Variants in LRCH1 observed in about 807,000 individuals in gnomAD.
LRCH1 encodes leucine rich repeats and calponin homology domain containing 1.
A neutral mutation model predicts 94.9 loss-of-function variants in LRCH1; 23 were observed. The ratio of observed to expected loss-of-function variants is 0.24; its 90% confidence interval spans 0.17 to 0.34. LRCH1 has a LOEUF of 0.34. LRCH1 is among the 10% of genes least tolerant of loss of function. The pLI, the probability that LRCH1 is intolerant of heterozygous loss-of-function variation, is 1.00. For missense variants in LRCH1, 790 were observed against 945.9 expected (o/e 0.84, Z 2.16); for synonymous variants, 364 against 354.9 (o/e 1.03, Z -0.29).
chr13:46,575,428 C>T (rs1398558180), intron 1 of LRCH1, among the ~76,000 whole-genome samples: 1 of 152,098 alleles, frequency 6.6e-6, no homozygotes, highest in African/African-American at 2.4e-5. Flanking sequence ...AGGGCTTTCT[C>T]ATTCATGTGC....
chr13:46,564,961 A>G (rs2050166697), intron 1 of LRCH1, among the ~76,000 whole-genome samples: 1 of 152,202 alleles, frequency 6.6e-6, no homozygotes, highest in African/African-American at 2.4e-5. Flanking sequence ...AGATAATTGG[A>G]AGCTGTCAGC....
rs533679308 is a variant in LRCH1 at position 46,686,173 on chromosome 13, G to C, written c.822+132G>C. On this transcript the variant is annotated intron_variant, in intron 5 of 19. Transcript: ENST00000389797. The stretch of plus-strand genomic sequence containing the variant: ...ACTGGCAAGCGGCAGATTAATTGGA[G>C]AAAAGGCATCAAAATTTATTAACAT... 22 of 898,452 alleles carry C rather than the reference G, an allele frequency of 2.4e-5. No individual in the cohort carries two copies. In the South Asian group the frequency reaches 7.1e-4, roughly 29 times the overall value. The allele number at this position is 898,452 out of a possible 1,614,324, so 55.7% of individuals were successfully genotyped here.
intron 2 of LRCH1, among the ~76,000 whole-genome samples, chr13:46,651,873 GT>G (rs1170289609): frequency 8.4e-6 from 1 of 118,674 alleles, no homozygotes; most frequent in Non-Finnish European, 1.8e-5. Context: ...CTGATGTTTT[GT>G]TTTTTTTGTT....
intron 15 of LRCH1, 101 bp downstream of exon 15, chr13:46,712,698 C>T: frequency 9.2e-7 from 1 of 1,082,344 alleles, no homozygotes; most frequent in Non-Finnish European, 1.4e-6. Context: ...CTTGTCAGTT[C>T]TGCTGAGCCG....
chr13:46,622,390 T>C (rs1054696900), intron 1 of LRCH1, among the ~76,000 whole-genome samples: 1 of 152,160 alleles, frequency 6.6e-6, no homozygotes, highest in Non-Finnish European at 1.5e-5. Flanking sequence ...CTTGGGTGGG[T>C]GTAATTTGCA....
At chr13:46,747,650 C>T (rs1321707400), downstream of LRCH1, among the ~76,000 whole-genome samples, 3 of 152,338 alleles carry the variant, frequency 2.0e-5, no homozygotes, top group Non-Finnish European at 2.9e-5. Context: ...TCAAAAATTG[C>T]TGTTCACATT....
chr13:46,553,232 G>GC lies in LRCH1; in HGVS notation c.-162dup. On this transcript the variant is annotated 5_prime_UTR_variant, in exon 1 of 20. Coordinates refer to ENST00000389797, the MANE Select transcript of LRCH1 (RefSeq NM_001164211.2). ...ACCGAGCTGCCACGGCCGCCTCCCC[G>GC]CCCGCCCCCCATTCTACGCGCCTGC... 5 of 298,438 alleles carry GC rather than the reference G, an allele frequency of 1.7e-5. No homozygotes were observed. Among genetic ancestry groups the GC allele is most frequent in the Non-Finnish European group, 3.1e-5 (5 of 161,392 alleles). 18.5% of individuals were successfully genotyped at this position (298,438 alleles called of 1,614,324 possible).
Position 46,742,272 on chromosome 13 carries a change from G to T in LRCH1, c.*424G>T. 9.5e-7 allele frequency: 1 copy of T among 1,049,326 alleles called. No individual in the cohort carries two copies. The highest frequency in any genetic ancestry group is 1.2e-6 in the Non-Finnish European group (1 of 869,054). 65.0% of individuals were successfully genotyped at this position (1,049,326 alleles called of 1,614,324 possible). ...AGTATTGAACTAGAATTCTAATTCG[G>T]GACTGGGCAATTGAGCTGTATAGGG... On this transcript the variant is annotated 3_prime_UTR_variant, in exon 20 of 20. Coordinates refer to ENST00000389797, the MANE Select transcript of LRCH1 (RefSeq NM_001164211.2).
At chr13:46,615,812 A>C (rs1256636328) in intron 1 of LRCH1, among the ~76,000 whole-genome samples, 1 of 152,232 alleles carries the variant, frequency 6.6e-6, no homozygotes, top group East Asian at 1.9e-4. Context: ...GATGGTCTTA[A>C]AAATGAGTTA....
intron 1 of LRCH1, among the ~76,000 whole-genome samples, chr13:46,647,704 G>A (rs986807109): frequency 1.3e-5 from 2 of 151,736 alleles, no homozygotes; most frequent in African/African-American, 4.8e-5. Context: ...AACCCATGCT[G>A]TCCTGGTGCT....
At chr13:46,653,465 A>G (rs969226287) in intron 2 of LRCH1, among the ~76,000 whole-genome samples, 1 of 152,220 alleles carries the variant, frequency 6.6e-6, no homozygotes. Context: ...GCCAGATACT[A>G]TATATACATA....
intron 1 of LRCH1, among the ~76,000 whole-genome samples, chr13:46,576,622 G>A (rs1171381869): frequency 1.3e-5 from 2 of 152,136 alleles, no homozygotes; most frequent in African/African-American, 4.8e-5. Flanking sequence ...TCCTTTCAAT[G>A]TTCTCAACCT....
intron 1 of LRCH1, among the ~76,000 whole-genome samples, chr13:46,558,277 G>A (rs1199303698): frequency 6.6e-6 from 1 of 152,168 alleles, no homozygotes. Flanking sequence ...GATGGACATT[G>A]TGTGTAGAAT....
intron 1 of LRCH1, among the ~76,000 whole-genome samples, chr13:46,644,177 T>G (rs1482515311): frequency 6.6e-6 from 1 of 152,206 alleles, no homozygotes; most frequent in African/African-American, 2.4e-5. Flanking sequence ...GGGCTACTGC[T>G]GCTACATGCA....
At chr13:46,611,964 T>TA (rs1436343655) in intron 1 of LRCH1, among the ~76,000 whole-genome samples, 1 of 152,216 alleles carries the variant, frequency 6.6e-6, no homozygotes, top group Non-Finnish European at 1.5e-5. Context: ...GTAAAGTAGA[T>TA]ACTCTTTCCA....
chr13:46,629,112 A>G (rs2050987811), intron 1 of LRCH1, among the ~76,000 whole-genome samples: 1 of 152,216 alleles, frequency 6.6e-6, no homozygotes, highest in Admixed American at 6.5e-5. Flanking sequence ...CCATCTTCCT[A>G]GCAAGCTATA....
intron 1 of LRCH1, among the ~76,000 whole-genome samples, chr13:46,557,570 C>T (rs1223387519): frequency 2.5e-5 from 3 of 120,354 alleles, no homozygotes; most frequent in Non-Finnish European, 4.0e-5. Context: ...AGGCCAGGCA[C>T]GATAGCTCAC....
intron 7 of LRCH1, among the ~76,000 whole-genome samples, chr13:46,691,958 GA>G (rs1189109538): frequency 6.6e-6 from 1 of 152,164 alleles, no homozygotes; most frequent in Non-Finnish European, 1.5e-5. Flanking sequence ...AAAGTGCTGG[GA>G]TTACAGGTGT....
intron 1 of LRCH1, among the ~76,000 whole-genome samples, chr13:46,586,192 A>G (rs1193056181): frequency 6.6e-6 from 1 of 152,182 alleles, no homozygotes; most frequent in Non-Finnish European, 1.5e-5. Context: ...TGATTGCAAA[A>G]AGAAAGAGAG....
Sources: gnomAD v4.1 joint callset for allele counts (sites outside exome capture counted in the v4.1 genomes callset) on GRCh38, gnomAD v4.1.1 for gene constraint, MANE v1.5 for transcripts, NCBI Gene and HGNC (gene_info 2026-07-23, HGNC 2026-07-21) for gene names.